Variants in HCRTR2 observed in about 807,000 individuals in gnomAD.
HCRTR2 encodes hypocretin receptor 2, also known as orexin receptor type 2.
HCRTR2 carries 22 observed loss-of-function variants against 49.0 expected under a neutral mutation model. That is an observed-to-expected ratio of 0.45 (90% CI 0.32 to 0.64). The LOEUF is 0.64. Among genes scored for constraint, HCRTR2 ranks in the 30% least tolerant of loss-of-function variants. HCRTR2 has a pLI of 0.04. For missense variants in HCRTR2, 491 were observed against 559.4 expected, an observed-to-expected ratio of 0.88 and a Z score of 1.23; for synonymous variants, 236 against 205.3, an observed-to-expected ratio of 1.15 and a Z score of -1.28.
At chr6:55,184,746 A>G (rs1765189441) in intron 1 of HCRTR2, among the ~76,000 whole-genome samples, 1 of 152,224 alleles carries the variant, frequency 6.6e-6, no homozygotes, top group Admixed American at 6.5e-5. Flanking sequence ...GAAATACAAC[A>G]ATGATTAAAA....
chr6:55,197,564 A>C (rs948247491), intron 1 of HCRTR2, among the ~76,000 whole-genome samples: 1 of 152,126 alleles, frequency 6.6e-6, no homozygotes, highest in African/African-American at 2.4e-5. Context: ...CTAACTCTAC[A>C]TCTAATTATA....
chr6:55,277,816 T>C (rs779095826), intron 5 of HCRTR2, among the ~76,000 whole-genome samples: 1 of 152,174 alleles, frequency 6.6e-6, no homozygotes, highest in Non-Finnish European at 1.5e-5. Flanking sequence ...TATTCTCAGT[T>C]GCATGGCAGA....
chr6:55,186,295 G>T (rs1765214989), intron 1 of HCRTR2, among the ~76,000 whole-genome samples: 1 of 152,016 alleles, frequency 6.6e-6, no homozygotes, highest in Admixed American at 6.6e-5. Context: ...AGCATTGCAG[G>T]CTTTAAATTT....
At chr6:55,278,177 A>T (rs1767115852) in intron 5 of HCRTR2, among the ~76,000 whole-genome samples, 1 of 152,210 alleles carries the variant, frequency 6.6e-6, no homozygotes, top group South Asian at 2.1e-4. Context: ...AATAAAAATC[A>T]ATGAGGGAAA....
chr6:55,203,727 GT>G (rs973826619), intron 1 of HCRTR2, among the ~76,000 whole-genome samples: 5 of 152,198 alleles, frequency 3.3e-5, no homozygotes, highest in African/African-American at 1.2e-4. Flanking sequence ...TCCAATATAA[GT>G]AACAGCCAGT....
intron 1 of HCRTR2, among the ~76,000 whole-genome samples, chr6:55,199,715 G>A (rs1765477648): frequency 6.6e-6 from 1 of 152,024 alleles, no homozygotes; most frequent in African/African-American, 2.4e-5. Flanking sequence ...TTAACAAGAA[G>A]TTGTAATTTG....
At chr6:55,114,969 C>A (rs1581779206) in intron 1 of HCRTR2, among the ~76,000 whole-genome samples, 1 of 151,682 alleles carries the variant, frequency 6.6e-6, no homozygotes. Flanking sequence ...CACTGCTGCA[C>A]TTTCAGAGGC....
At chr6:55,250,856 T>C (rs1766536303) in intron 2 of HCRTR2, among the ~76,000 whole-genome samples, 1 of 152,080 alleles carries the variant, frequency 6.6e-6, no homozygotes, top group Admixed American at 6.6e-5. Context: ...CTCTTCTCCA[T>C]AGAGCAAGGG....
At chr6:55,276,723 T>C (rs1358367771) in intron 4 of HCRTR2, among the ~76,000 whole-genome samples, 1 of 152,230 alleles carries the variant, frequency 6.6e-6, no homozygotes, top group Non-Finnish European at 1.5e-5. Context: ...GAAATATTAA[T>C]GTAAGACCGC....
At chr6:55,239,073 A>G (rs1766269630) in intron 1 of HCRTR2, among the ~76,000 whole-genome samples, 1 of 152,184 alleles carries the variant, frequency 6.6e-6, no homozygotes, top group East Asian at 1.9e-4. Context: ...AGTTATCTAC[A>G]AAGTGTAAAA....
intron 1 of HCRTR2, among the ~76,000 whole-genome samples, chr6:55,175,038 A>G (rs1019434013): frequency 2.0e-5 from 3 of 152,066 alleles, no homozygotes; most frequent in African/African-American, 7.2e-5. Flanking sequence ...AATAACGGGG[A>G]AACCGCGTTT....
intron 4 of HCRTR2, among the ~76,000 whole-genome samples, chr6:55,264,755 G>T (rs1766831262): frequency 6.6e-6 from 1 of 152,004 alleles, no homozygotes; most frequent in Non-Finnish European, 1.5e-5. Context: ...AATTCTTAGA[G>T]ATGTATTTCT....
In HCRTR2 at chr6:55,115,846, AATAT is replaced by A. The variant is rs5876427; in HGVS notation, c.-378+9312_-378+9315del. Among the ~76,000 whole-genome samples, 1,107 of 150,672 alleles carry A rather than the reference AATAT, an allele frequency of 7.3e-3. 12 individuals are homozygous for A. Among genetic ancestry groups the A allele is most frequent in the African/African-American group, 0.025 (1,045 of 41,218 alleles). On this transcript the variant is annotated intron_variant, in intron 1 of 7. Coordinates refer to the HCRTR2 transcript ENST00000615358. Reference sequence around the variant, plus strand: ...AACTATTACTCTAAGTTAAAATTTAAATATATATATATATTTGTATTTTTCAATT... The same window carrying A: ...AACTATTACTCTAAGTTAAAATTTAAATATATATATTTGTATTTTTCAATT...
intron 1 of HCRTR2, among the ~76,000 whole-genome samples, chr6:55,225,135 G>A (rs1042130575): frequency 7.9e-5 from 12 of 151,824 alleles, no homozygotes; most frequent in Admixed American, 6.6e-5. Flanking sequence ...ATTTTTATTT[G>A]TCAACTTAAA....
At chr6:55,196,767 ACT>A (rs2127281630) in intron 1 of HCRTR2, among the ~76,000 whole-genome samples, 1 of 152,098 alleles carries the variant, frequency 6.6e-6, no homozygotes, top group East Asian at 1.9e-4. Context: ...AAAACAAGAA[ACT>A]CTGACTACCT....
At chr6:55,201,008 G>A (rs3134699) in intron 1 of HCRTR2, among the ~76,000 whole-genome samples, 3 of 151,526 alleles carry the variant, frequency 2.0e-5, no homozygotes, top group Non-Finnish European at 2.9e-5. Flanking sequence ...GAATCATATC[G>A]CCTCTGCTTG....
chr6:55,209,769 A>AT (rs985483702), intron 1 of HCRTR2, among the ~76,000 whole-genome samples: 6 of 151,384 alleles, frequency 4.0e-5, no homozygotes, highest in South Asian at 2.1e-4. Context: ...ATTGGCTTAG[A>AT]TTTTTTTTTC....
intron 1 of HCRTR2, among the ~76,000 whole-genome samples, chr6:55,212,080 C>A (rs558050645): frequency 1.6e-4 from 25 of 152,182 alleles, no homozygotes; most frequent in Non-Finnish European, 2.8e-4. Context: ...AAATACCTGT[C>A]TTTCTCCATA....
chr6:55,264,957 G>A (rs1325088852), intron 4 of HCRTR2, among the ~76,000 whole-genome samples: 1 of 151,828 alleles, frequency 6.6e-6, no homozygotes, highest in Non-Finnish European at 1.5e-5. Flanking sequence ...ATCAACACTT[G>A]TTATTCAAAG....
Sources: gnomAD v4.1 joint callset for allele counts (sites outside exome capture counted in the v4.1 genomes callset) on GRCh38, gnomAD v4.1.1 for gene constraint, MANE v1.5 for transcripts, NCBI Gene and HGNC (gene_info 2026-07-23, HGNC 2026-07-21) for gene names.